Variants in NOS1AP observed in about 807,000 individuals in gnomAD.
NOS1AP encodes nitric oxide synthase 1 adaptor protein, also known as carboxyl-terminal PDZ ligand of neuronal nitric oxide synthase protein.
In NOS1AP, 21 loss-of-function variants were observed where a neutral mutation model predicts 56.2. The observed-to-expected ratio is 0.37, with a 90% CI of 0.26 to 0.54. The LOEUF (loss-of-function observed/expected upper bound fraction) is 0.54, where lower values mean the gene tolerates loss of function less well. Among genes scored for constraint, NOS1AP ranks in the 20% least tolerant of loss-of-function variants. NOS1AP has a pLI of 0.84. For missense variants in NOS1AP, 522 were observed against 657.8 expected (o/e 0.79, Z 2.26); for synonymous variants, 270 against 274.6 (o/e 0.98, Z 0.17).
chr1:162,363,978 G>A (rs1657982085), intron 8 of NOS1AP: 1 of 985,440 alleles, frequency 1.0e-6, no homozygotes, highest in Non-Finnish European at 1.2e-6. Flanking sequence ...CTGGGCAAGA[G>A]GGAGGCAGCC....
chr1:162,143,134 A>G (rs1027408119), intron 1 of NOS1AP, among the ~76,000 whole-genome samples: 3 of 151,610 alleles, frequency 2.0e-5, no homozygotes, highest in Non-Finnish European at 4.4e-5. Flanking sequence ...GAGCAGTGTC[A>G]TAGTTAGCCA....
At chr1:162,108,640 A>C (rs1025854017) in intron 1 of NOS1AP, among the ~76,000 whole-genome samples, 1 of 152,184 alleles carries the variant, frequency 6.6e-6, no homozygotes, top group African/African-American at 2.4e-5. Context: ...ATGATCAACA[A>C]TGGCTGCTGA....
At chr1:162,310,623 G>A (rs1011714958) in intron 4 of NOS1AP, among the ~76,000 whole-genome samples, 6 of 152,126 alleles carry the variant, frequency 3.9e-5, no homozygotes, top group African/African-American at 7.2e-5. Context: ...CCAATTTTAC[G>A]CATGGAGAAT....
chr1:162,256,351 G>A lies in NOS1AP; in HGVS notation c.178-30993G>A, dbSNP rs369528136. The stretch of plus-strand genomic sequence containing the variant: ...AATTGTTTTCCTTACATTGGCTTCT[G>A]GGCTGAACTTAATCTTCTAATGGAT... On this transcript the variant is annotated intron_variant, in intron 2 of 9. Transcript: ENST00000361897. 6.5e-4 allele frequency among the ~76,000 whole-genome samples: 99 copies of A among 152,268 alleles called. No homozygotes were observed. The South Asian group carries it at 0.02, about 31-fold the overall frequency.
chr1:162,184,349 A>G (rs1038639627), intron 2 of NOS1AP, among the ~76,000 whole-genome samples: 5 of 152,242 alleles, frequency 3.3e-5, no homozygotes, highest in South Asian at 4.1e-4. Context: ...AGTATGAAAT[A>G]TTGTGTGAAT....
chr1:162,297,046 T>G (rs1165514692), intron 3 of NOS1AP, among the ~76,000 whole-genome samples: 1 of 152,194 alleles, frequency 6.6e-6, no homozygotes, highest in Non-Finnish European at 1.5e-5. Flanking sequence ...CTCCCCATGG[T>G]CAGTCAGGTG....
At chr1:162,361,689 A>G (rs996620416) in intron 8 of NOS1AP, among the ~76,000 whole-genome samples, 10 of 152,228 alleles carry the variant, frequency 6.6e-5, no homozygotes, top group African/African-American at 2.4e-4. Context: ...TAAAACTCTT[A>G]TTTAATCTGG....
chr1:162,100,641 G>A (rs1692371648), intron 1 of NOS1AP, among the ~76,000 whole-genome samples: 1 of 151,944 alleles, frequency 6.6e-6, no homozygotes, highest in Admixed American at 6.6e-5. Context: ...AGTTTAATTA[G>A]ATCCCATTTG....
intron 2 of NOS1AP, among the ~76,000 whole-genome samples, chr1:162,221,111 T>G (rs911744253): frequency 6.6e-6 from 1 of 152,154 alleles, no homozygotes; most frequent in African/African-American, 2.4e-5. Context: ...CCATTAATTT[T>G]TGTATTTTTA....
rs150849240 is a variant in NOS1AP at position 162,152,880 on chromosome 1, A to C, written c.106-1525A>C. ...GCACAGATGTCGCAGTCTTATCTTC[A>C]CTCTTAATGGAATCTTTGCTTGGGT... On this transcript the variant is annotated intron_variant, in intron 1 of 9. Transcript: ENST00000361897. Among the ~76,000 whole-genome samples, 6 of 151,892 alleles carry C rather than the reference A, an allele frequency of 4.0e-5. No individual in the cohort carries two copies. In the East Asian group the frequency reaches 1.2e-3, roughly 30 times the overall value.
chr1:162,264,177 T>C (rs1164956990), intron 2 of NOS1AP, among the ~76,000 whole-genome samples: 1 of 152,136 alleles, frequency 6.6e-6, no homozygotes, highest in East Asian at 1.9e-4. Context: ...TTGGTTTCTT[T>C]CTCTCTTAGG....
chr1:162,209,591 C>A (rs544594875), intron 2 of NOS1AP, among the ~76,000 whole-genome samples: 1 of 152,106 alleles, frequency 6.6e-6, no homozygotes, highest in East Asian at 1.9e-4. Flanking sequence ...CTTTATGATA[C>A]CTTCTACCAC....
chr1:162,170,728 A>G (rs1175819602), intron 2 of NOS1AP, among the ~76,000 whole-genome samples: 1 of 152,016 alleles, frequency 6.6e-6, no homozygotes, highest in Non-Finnish European at 1.5e-5. Context: ...GAAGTTCGAG[A>G]CAGCCTGACC....
intron 1 of NOS1AP, among the ~76,000 whole-genome samples, chr1:162,134,288 T>C (rs4639734): frequency 0.23 from 35,630 of 151,770 alleles, 7,765 homozygotes; most frequent in African/African-American, 0.59. Context: ...GCCAGGAGTT[T>C]GAGACCAGCG....
intron 2 of NOS1AP, among the ~76,000 whole-genome samples, chr1:162,171,878 G>A (rs960489875): frequency 2.6e-5 from 4 of 152,070 alleles, no homozygotes; most frequent in African/African-American, 9.7e-5. Context: ...TGCAATAAAG[G>A]AAAGCTGAGG....
intron 7 of NOS1AP, among the ~76,000 whole-genome samples, chr1:162,356,316 A>T (rs543679150): frequency 2.4e-4 from 36 of 152,226 alleles, no homozygotes; most frequent in Non-Finnish European, 3.8e-4. Flanking sequence ...GGGAGACAGA[A>T]GGAAAGGAGG....
intron 4 of NOS1AP, among the ~76,000 whole-genome samples, chr1:162,301,721 C>T (rs895851140): frequency 1.4e-4 from 21 of 152,308 alleles, no homozygotes; most frequent in Middle Eastern, 6.8e-3. Flanking sequence ...GCCCCACTTC[C>T]TTCCTGTTTT....
At chr1:162,290,205 A>T (rs1655244291) in intron 3 of NOS1AP, among the ~76,000 whole-genome samples, 1 of 152,140 alleles carries the variant, frequency 6.6e-6, no homozygotes, top group Admixed American at 6.5e-5. Flanking sequence ...TCTTTCCTAG[A>T]TCTAACTCTT....
At chr1:162,167,064 T>C (rs1175191675) in intron 2 of NOS1AP, among the ~76,000 whole-genome samples, 1 of 152,196 alleles carries the variant, frequency 6.6e-6, no homozygotes. Context: ...TAAAAAATAA[T>C]GGGGCAGCTG....
Sources: allele counts gnomAD v4.1 joint callset (sites outside exome capture counted in the v4.1 genomes callset), GRCh38; gene constraint gnomAD v4.1.1; transcripts MANE v1.5; gene names NCBI Gene and HGNC (gene_info 2026-07-23, HGNC 2026-07-21).